The following CACNA2D1 variants were observed in gnomAD, a reference collection of about 807,000 sequenced individuals.
CACNA2D1 encodes the protein calcium voltage-gated channel auxiliary subunit alpha2delta 1.
Under a neutral mutation model 171.5 loss-of-function variants are expected in CACNA2D1, and 53 were observed. The observed-to-expected ratio is 0.31, with a 90% CI of 0.25 to 0.39. The LOEUF (loss-of-function observed/expected upper bound fraction) is 0.39. Ranked by LOEUF, CACNA2D1 falls within the 10% of genes least tolerant of loss-of-function variation. The pLI is 1.00. For synonymous variants in CACNA2D1, 442 were observed against 443.1 expected (o/e 1.00, Z 0.03); for missense variants, 903 against 1,299.8 (o/e 0.69, Z 4.69).
At chr7:82,307,160 T>A (rs923353401) in intron 3 of CACNA2D1, among the ~76,000 whole-genome samples, 1 of 152,062 alleles carries the variant, frequency 6.6e-6, no homozygotes, top group Non-Finnish European at 1.5e-5. Context: ...ATTATATAAT[T>A]CTTTTTTTAG....
chr7:82,158,544 A>G (rs1285803275), intron 4 of CACNA2D1, among the ~76,000 whole-genome samples: 2 of 151,932 alleles, frequency 1.3e-5, no homozygotes, highest in East Asian at 3.9e-4. Flanking sequence ...TCACATGGGA[A>G]TATCAGTTTG....
intron 8 of CACNA2D1, among the ~76,000 whole-genome samples, chr7:82,065,386 G>A (rs1807484429): frequency 6.6e-6 from 1 of 152,088 alleles, no homozygotes; most frequent in Admixed American, 6.6e-5. Flanking sequence ...GAGAAGACAG[G>A]ACATGTCTGC....
At chr7:82,398,061 A>G (rs767885906) in intron 1 of CACNA2D1, among the ~76,000 whole-genome samples, 3 of 152,198 alleles carry the variant, frequency 2.0e-5, no homozygotes, top group African/African-American at 4.8e-5. Flanking sequence ...GCTATGTCCA[A>G]CTACTCTTTC....
chr7:82,349,640 T>C lies in CACNA2D1; in HGVS notation c.105A>G (p.Ser35=). The change falls in exon 2 of 39, where the codon TCA becomes TCG. Residue 35 remains serine, a synonymous_variant. Coordinates refer to ENST00000356860, the MANE Select transcript of CACNA2D1 (RefSeq NM_000722.4). ...GGTCTTCTTGCATCTTATCCACCCA[T>C]GATTTGATACTGCAGAAATCAGAAA... ...EPFPSAVTIK[S]WVDKMQEDLV... 1.9e-6 allele frequency: 3 copies of C among 1,613,086 alleles called. No individual in the cohort carries two copies. Among genetic ancestry groups the C allele is most frequent in the Non-Finnish European group, 2.5e-6 (3 of 1,179,044 alleles).
chr7:82,428,819 T>C lies in CACNA2D1; in HGVS notation c.95+14546A>G, dbSNP rs141580490. The stretch of plus-strand genomic sequence containing the variant: ...GCTATACCAGAAGCAGGGTTCAACC[T>C]TGGGATTCTCTGACTCAAAATCCTG... On this transcript the variant is annotated intron_variant, in intron 1 of 38. Transcript: ENST00000356860. Among the ~76,000 whole-genome samples the C allele has an allele frequency of 2.7e-3, 411 of 152,330 alleles. 16 individuals carry two copies. In the East Asian group the frequency reaches 0.065, roughly 24 times the overall value.
At chr7:82,408,311 A>G (rs1181188051) in intron 1 of CACNA2D1, among the ~76,000 whole-genome samples, 2 of 152,080 alleles carry the variant, frequency 1.3e-5, no homozygotes, top group African/African-American at 2.4e-5. Flanking sequence ...TATGTGACTC[A>G]GTGCCTGGCC....
intron 5 of CACNA2D1, among the ~76,000 whole-genome samples, chr7:82,125,793 A>C (rs1790272166): frequency 6.6e-6 from 1 of 152,180 alleles, no homozygotes; most frequent in Admixed American, 6.5e-5. Context: ...CATTTTTAAA[A>C]TGTGTTTTGA....
At chr7:82,365,916 G>T (rs1821642589) in intron 1 of CACNA2D1, among the ~76,000 whole-genome samples, 1 of 152,144 alleles carries the variant, frequency 6.6e-6, no homozygotes, top group Non-Finnish European at 1.5e-5. Context: ...GGGTACTCAA[G>T]CTACTACTGG....
intron 12 of CACNA2D1, among the ~76,000 whole-genome samples, chr7:82,014,764 T>A (rs1159758828): frequency 6.6e-6 from 1 of 152,136 alleles, no homozygotes; most frequent in Non-Finnish European, 1.5e-5. Context: ...AGAAAGTACA[T>A]CTTTCATGGC....
At position 81,959,266 on chromosome 7, in the gene CACNA2D1, T is replaced by A. The variant is rs1313129429; in HGVS notation, c.3159+9A>T. ...ATAGTATTTTAATCCAGTAGAAGTG[T>A]GATCTTACCAAGACATTGTTATCAA... On this transcript the variant is annotated intron_variant, in intron 38 of 38. Transcript: ENST00000356860. The A allele has an allele frequency of 6.4e-7, 1 of 1,568,702 alleles. No homozygotes were observed. The highest frequency in any genetic ancestry group is 2.2e-5 in the East Asian group (1 of 44,608).
chr7:82,280,518 C>T (rs151094979), intron 3 of CACNA2D1, among the ~76,000 whole-genome samples: 170 of 152,216 alleles, frequency 1.1e-3, no homozygotes, highest in Non-Finnish European at 1.7e-3. Flanking sequence ...AGCTGTAGTC[C>T]AGCTCTGGAA....
rs548114927 is a variant in CACNA2D1 at position 81,975,832 on chromosome 7, T to A, written c.1956-1280A>T. On this transcript the variant is annotated intron_variant, in intron 24 of 38. Transcript: ENST00000356860. Reference sequence around the variant, plus strand: ...TATACAACTTTCCCAAAATTCTAATTTTCGTTGGAAAGCTCAGTTTCTGTC... The same window carrying A: ...TATACAACTTTCCCAAAATTCTAATATTCGTTGGAAAGCTCAGTTTCTGTC... Among the ~76,000 whole-genome samples the A allele has an allele frequency of 8.7e-5, 13 of 149,376 alleles. No homozygotes were observed. The South Asian group carries it at 2.6e-3, about 29-fold the overall frequency.
intron 4 of CACNA2D1, among the ~76,000 whole-genome samples, chr7:82,170,028 A>C (rs969943681): frequency 6.6e-6 from 1 of 151,810 alleles, no homozygotes; most frequent in African/African-American, 2.4e-5. Context: ...GACATTTCTC[A>C]AAGTAGGCCA....
Position 82,379,132 on chromosome 7 carries a change from T to A in CACNA2D1, c.96-29483A>T, listed in dbSNP as rs190206000. ...GGGACTGGGAGAAGAAGTGGTGCCTTTTCATGTGTGTGGCCTATAGTAGTT... is the reference window on the plus strand; with the variant it reads ...GGGACTGGGAGAAGAAGTGGTGCCTATTCATGTGTGTGGCCTATAGTAGTT... On this transcript the variant is annotated intron_variant, in intron 1 of 38. Coordinates refer to ENST00000356860, the MANE Select transcript of CACNA2D1 (RefSeq NM_000722.4). 2.0e-4 allele frequency among the ~76,000 whole-genome samples: 30 copies of A among 152,228 alleles called. No homozygotes were observed. The East Asian group carries it at 5.4e-3, about 27-fold the overall frequency.
rs142696157 is a variant in CACNA2D1 at position 82,425,786 on chromosome 7, G to A, written c.95+17579C>T. ...GCTGGGATTACAAGTGTGAGCCACC[G>A]CGCCCAACCCAGGATTCATTTTATC... is the stretch of plus-strand genomic sequence containing the variant. On this transcript the variant is annotated intron_variant, in intron 1 of 38. Coordinates refer to ENST00000356860, the MANE Select transcript of CACNA2D1 (RefSeq NM_000722.4). 3.9e-3 allele frequency among the ~76,000 whole-genome samples: 586 copies of A among 150,356 alleles called. 5 individuals carry two copies. Among genetic ancestry groups the A allele is most frequent in the Middle Eastern group, 6.8e-3 (2 of 294 alleles).
chr7:82,060,112 G>A (rs1448901823), intron 10 of CACNA2D1, among the ~76,000 whole-genome samples: 1 of 90,348 alleles, frequency 1.1e-5, no homozygotes, highest in African/African-American at 3.9e-5. Context: ...AAACCTGCAC[G>A]TTGTGCACAT....
At position 82,363,254 on chromosome 7, in the gene CACNA2D1, C is replaced by CTTTTTTTTTTTT. The variant is rs35419275; in HGVS notation, c.96-13617_96-13606dup. On this transcript the variant is annotated intron_variant, in intron 1 of 38. Coordinates refer to ENST00000356860, the MANE Select transcript of CACNA2D1 (RefSeq NM_000722.4). ...CTACCATAGTTTTATTTATTTGTCTCTTTTTTTTTTTTTTTTTTTTTTTTT... is the reference window on the plus strand; with the variant it reads ...CTACCATAGTTTTATTTATTTGTCTCTTTTTTTTTTTTTTTTTTTTTTTTTTTTTTTTTTTTT... 3.4e-3 allele frequency among the ~76,000 whole-genome samples: 215 copies of CTTTTTTTTTTTT among 63,430 alleles called. 51 individuals are homozygous for CTTTTTTTTTTTT. The highest frequency in any genetic ancestry group is 0.017 in the African/African-American group (201 of 11,944). The allele number at this position is 63,430 out of a possible 152,430, so 41.6% of individuals were successfully genotyped here. A position where few individuals can be genotyped will look rare whatever the true frequency, so the allele number is the denominator to read the frequency against.
chr7:82,010,313 T>C (rs1799626854), intron 15 of CACNA2D1, among the ~76,000 whole-genome samples: 1 of 151,952 alleles, frequency 6.6e-6, no homozygotes. Context: ...GATCACTTTA[T>C]CATCTTCAAA....
chr7:82,154,293 G>A (rs1004863659), intron 4 of CACNA2D1, among the ~76,000 whole-genome samples: 3 of 152,126 alleles, frequency 2.0e-5, no homozygotes, highest in Non-Finnish European at 4.4e-5. Context: ...TCAGCAGAAC[G>A]CTCAAATGCT....
Sources: gnomAD v4.1 joint callset for allele counts (sites outside exome capture counted in the v4.1 genomes callset) on GRCh38, gnomAD v4.1.1 for gene constraint, MANE v1.5 for transcripts, NCBI Gene and HGNC (gene_info 2026-07-23, HGNC 2026-07-21) for gene names.